CNTNAP4: variants seen among roughly 807,000 people sequenced by gnomAD.
CNTNAP4 encodes contactin associated protein family member 4.
In CNTNAP4, 98 loss-of-function variants were observed where a neutral mutation model predicts 148.4. The observed-to-expected ratio is 0.66, with a 90% CI of 0.56 to 0.78. The LOEUF is 0.78. CNTNAP4 is among the 30% of genes least tolerant of loss of function. CNTNAP4 has a pLI of 0.00. For missense variants in CNTNAP4, 1,935 were observed against 1,565.6 expected (o/e 1.24, Z -3.98); for synonymous variants, 730 against 565.1 (o/e 1.29, Z -4.14).
intron 2 of CNTNAP4, among the ~76,000 whole-genome samples, chr16:76,324,138 TCAAA>T (rs1378990115): frequency 6.6e-6 from 1 of 152,160 alleles, no homozygotes; most frequent in Non-Finnish European, 1.5e-5. Context: ...TAAGTTTTCC[TCAAA>T]CAAGATGACA....
intron 1 of CNTNAP4, chr16:76,310,021 C>T: frequency 1.6e-6 from 1 of 616,598 alleles, no homozygotes; most frequent in Non-Finnish European, 2.9e-6. Context: ...TGGCTTCTTG[C>T]ACTGGTTGCT....
chr16:76,467,508 G>A lies in CNTNAP4; in HGVS notation c.1640G>A (p.Cys547Tyr). Residue 547 changes from cysteine to tyrosine, a missense_variant, in exon 10 of 24, where the codon TGT becomes TAT. Physicochemically the swap from Cys to Tyr is radical, Grantham distance 194. Transcript: ENST00000611870. Reference sequence around the variant, plus strand: ...TTCAGTGACCTTCAGATAGACTCATGTGGCATCTCAGACAGGTAAGGGCAA... The same window carrying A: ...TTCAGTGACCTTCAGATAGACTCATATGGCATCTCAGACAGGTAAGGGCAA... ...GNFSDLQIDS[C>Y]GISDRCLPNY... The A allele has an allele frequency of 6.2e-7, 1 of 1,611,524 alleles. No individual in the cohort carries two copies. The highest frequency in any genetic ancestry group is 8.5e-7 in the Non-Finnish European group (1 of 1,178,990).
intron 15 of CNTNAP4, among the ~76,000 whole-genome samples, chr16:76,499,685 TC>T (rs2082547967): frequency 6.7e-6 from 1 of 149,972 alleles, no homozygotes; most frequent in Non-Finnish European, 1.5e-5. Flanking sequence ...TCTCTGGTTT[TC>T]CTAGGCAGAG....
rs1963341464 is a variant in CNTNAP4 at position 76,329,785 on chromosome 16, A to G, written c.196+13262A>G. On this transcript the variant is annotated intron_variant, in intron 2 of 23. Coordinates refer to ENST00000611870, the MANE Select transcript of CNTNAP4 (RefSeq NM_033401.5). ...AAAATAAAAGGGACACATAAAATAG[A>G]TTATATAATTGGCTGTATAAAATAT... Among the ~76,000 whole-genome samples, 5 of 152,230 alleles carry G rather than the reference A, an allele frequency of 3.3e-5. No homozygotes were observed. The South Asian group carries it at 1.0e-3, about 31-fold the overall frequency.
At chr16:76,406,219 G>A (rs933855249) in intron 3 of CNTNAP4, among the ~76,000 whole-genome samples, 30 of 151,982 alleles carry the variant, frequency 2.0e-4, no homozygotes, top group Middle Eastern at 3.4e-3. Context: ...TATATGTTAC[G>A]GTGATCTGCA....
intron 1 of CNTNAP4, among the ~76,000 whole-genome samples, chr16:76,289,107 C>A (rs1373038844): frequency 6.6e-6 from 1 of 152,056 alleles, no homozygotes; most frequent in South Asian, 2.1e-4. Context: ...TTTGATAGGC[C>A]ACTACATCAA....
At chr16:76,285,716 C>A (rs76842150) in intron 1 of CNTNAP4, among the ~76,000 whole-genome samples, 2 of 151,824 alleles carry the variant, frequency 1.3e-5, no homozygotes, top group Non-Finnish European at 2.9e-5. Flanking sequence ...AAAATTATAA[C>A]CTGTAATTTC....
At chr16:76,378,464 G>A (rs1381548779) in intron 3 of CNTNAP4, among the ~76,000 whole-genome samples, 4 of 152,160 alleles carry the variant, frequency 2.6e-5, no homozygotes, top group African/African-American at 9.7e-5. Flanking sequence ...GTCAAGGGAA[G>A]TATACTGTTT....
chr16:76,297,594 C>T (rs1244157365), intron 1 of CNTNAP4, among the ~76,000 whole-genome samples: 3 of 152,092 alleles, frequency 2.0e-5, no homozygotes, highest in Non-Finnish European at 4.4e-5. Context: ...CCCCTGGGGT[C>T]ATTGAAATAT....
chr16:76,521,245 C>T lies in CNTNAP4; in HGVS notation c.2471C>T (p.Thr824Ile), dbSNP rs757892996. The T allele has an allele frequency of 1.5e-5, 24 of 1,612,582 alleles. No individual in the cohort carries two copies. The East Asian group carries it at 1.6e-4, about 11-fold the overall frequency. The change falls in exon 16 of 24, where the codon ACA becomes ATA. Residue 824 changes from threonine (T) to isoleucine (I), a missense_variant. Thr to Ile is a moderately conservative substitution (Grantham distance 89). Coordinates refer to ENST00000611870, the MANE Select transcript of CNTNAP4 (RefSeq NM_033401.5). ...GATGTATCTTTCTTTTTTAAGACAACAGCTTCATCTGGGGTATTTTTAGAG... is the reference window on the plus strand; with the variant it reads ...GATGTATCTTTCTTTTTTAAGACAATAGCTTCATCTGGGGTATTTTTAGAG... Reference protein sequence around the residue: ...SADVSFFFKTTASSGVFLENL... With the variant: ...SADVSFFFKTIASSGVFLENL...
At chr16:76,342,621 C>T (rs1446536149) in intron 2 of CNTNAP4, among the ~76,000 whole-genome samples, 2 of 151,764 alleles carry the variant, frequency 1.3e-5, no homozygotes, top group Admixed American at 6.6e-5. Context: ...TACAGGCACC[C>T]GCCACCACGC....
chr16:76,372,685 C>A lies in CNTNAP4; in HGVS notation c.390+17174C>A, dbSNP rs374926251. Reference sequence around the variant, plus strand: ...CCTTCTGCCATGATTGTGAGGCCTCCCCAGCCACATGGAACTAAGTCCATT... The same window carrying A: ...CCTTCTGCCATGATTGTGAGGCCTCACCAGCCACATGGAACTAAGTCCATT... On this transcript the variant is annotated intron_variant, in intron 3 of 23. Coordinates refer to ENST00000611870, the MANE Select transcript of CNTNAP4 (RefSeq NM_033401.5). Among the ~76,000 whole-genome samples the A allele has an allele frequency of 4.1e-4, 62 of 152,002 alleles. 1 individual carries two copies. The South Asian group carries it at 0.012, about 30-fold the overall frequency.
intron 12 of CNTNAP4, among the ~76,000 whole-genome samples, chr16:76,486,845 G>C (rs1001605680): frequency 2.0e-5 from 3 of 152,076 alleles, no homozygotes; most frequent in Non-Finnish European, 4.4e-5. Flanking sequence ...CTCCTCTTGT[G>C]GTGCAAGTCC....
In CNTNAP4 at chr16:76,507,100, A is replaced by G. The variant is rs1437261410; in HGVS notation, c.2365+8406A>G. 2.1e-5 allele frequency among the ~76,000 whole-genome samples: 2 copies of G among 97,346 alleles called. 1 individual carries two copies. Among genetic ancestry groups the G allele is most frequent in the African/African-American group, 5.1e-5 (2 of 38,880 alleles). 63.9% of individuals were successfully genotyped at this position (97,346 alleles called of 152,430 possible). A position where few individuals can be genotyped will look rare whatever the true frequency, so the allele number is the denominator to read the frequency against. On this transcript the variant is annotated intron_variant, in intron 15 of 23. Transcript: ENST00000611870. ...AAAAATGTAAAATTTTCGTGGGTACATAATAGATGTATATATTTATGGGAT... is the reference window on the plus strand; with the variant it reads ...AAAAATGTAAAATTTTCGTGGGTACGTAATAGATGTATATATTTATGGGAT...
intron 8 of CNTNAP4, among the ~76,000 whole-genome samples, chr16:76,456,223 GT>G (rs1279624362): frequency 1.3e-5 from 2 of 152,182 alleles, no homozygotes; most frequent in Non-Finnish European, 1.5e-5. Context: ...GAAACCAACG[GT>G]TGTCTGAAGA....
intron 9 of CNTNAP4, among the ~76,000 whole-genome samples, chr16:76,466,577 ATAC>A (rs1226266693): frequency 6.6e-6 from 1 of 152,160 alleles, no homozygotes; most frequent in Non-Finnish European, 1.5e-5. Context: ...ATATGTATTC[ATAC>A]TCGATAAACT....
intron 21 of CNTNAP4, 72 bp downstream of exon 21, chr16:76,540,862 A>G: frequency 9.9e-7 from 1 of 1,006,628 alleles, no homozygotes; most frequent in Non-Finnish European, 1.5e-6. Flanking sequence ...GAAAAGTCAT[A>G]TTACACACAC....
At chr16:76,316,554 A>G (rs756664523) in intron 2 of CNTNAP4, 31 bp downstream of exon 2, 2 of 1,391,912 alleles carry the variant, frequency 1.4e-6, no homozygotes, top group South Asian at 1.2e-5. Context: ...TGACTGGCCC[A>G]TAGAAAATCT....
At chr16:76,340,923 A>C (rs1310375319) in intron 2 of CNTNAP4, among the ~76,000 whole-genome samples, 1 of 152,166 alleles carries the variant, frequency 6.6e-6, no homozygotes, top group Non-Finnish European at 1.5e-5. Context: ...TGTTTAGTAT[A>C]TCCTTTATAG....
Sources: gnomAD v4.1 joint callset for allele counts (sites outside exome capture counted in the v4.1 genomes callset) on GRCh38, gnomAD v4.1.1 for gene constraint, MANE v1.5 for transcripts, NCBI Gene and HGNC (gene_info 2026-07-23, HGNC 2026-07-21) for gene names.